ARHGEF37: variants seen among roughly 807,000 people sequenced by gnomAD.
ARHGEF37 encodes the protein Rho guanine nucleotide exchange factor 37, also known as Rho guanine nucleotide exchange factor (GEF) 37.
ARHGEF37 carries 55 observed loss-of-function variants against 71.1 expected under a neutral mutation model. The observed-to-expected ratio is 0.77, with a 90% CI of 0.62 to 0.97. The LOEUF is 0.97. Ranked by LOEUF, ARHGEF37 falls within the 50% of genes least tolerant of loss-of-function variation. ARHGEF37 has a pLI of 0.00. For synonymous variants in ARHGEF37, 327 were observed against 350.6 expected (o/e 0.93, Z 0.75); for missense variants, 765 against 836.8 (o/e 0.91, Z 1.06).
intron 3 of ARHGEF37, among the ~76,000 whole-genome samples, chr5:149,603,066 G>A (rs1283695332): frequency 1.3e-5 from 2 of 151,942 alleles, no homozygotes; most frequent in African/African-American, 4.8e-5. Context: ...CTGAGTAGCT[G>A]GGATTACAGG....
At chr5:149,607,125 A>T (rs1206916503) in intron 3 of ARHGEF37, among the ~76,000 whole-genome samples, 2 of 150,678 alleles carry the variant, frequency 1.3e-5, no homozygotes, top group Non-Finnish European at 3.0e-5. Context: ...CTGGTCTCAA[A>T]CTCCTGGCCT....
intron 1 of ARHGEF37, among the ~76,000 whole-genome samples, chr5:149,586,530 C>T (rs7706777): frequency 0.26 from 39,020 of 152,146 alleles, 5,436 homozygotes; most frequent in Admixed American, 0.41. Flanking sequence ...CCCGAAGTGC[C>T]GGGATTACAG....
At chr5:149,606,284 G>C (rs776468816) in intron 3 of ARHGEF37, among the ~76,000 whole-genome samples, 3 of 152,070 alleles carry the variant, frequency 2.0e-5, no homozygotes, top group African/African-American at 7.3e-5. Context: ...CTGCAGTTTC[G>C]GGTGGTCATG....
intron 1 of ARHGEF37, among the ~76,000 whole-genome samples, chr5:149,586,888 TACACTGGACTACA>T (rs1186210841): frequency 6.6e-6 from 1 of 152,180 alleles, no homozygotes; most frequent in African/African-American, 2.4e-5. Context: ...CTGGTCCAGA[TACACTGGACTACA>T]GCATTCCTTT....
chr5:149,576,046 G>C (rs914211115), intron 1 of ARHGEF37, among the ~76,000 whole-genome samples: 2 of 152,174 alleles, frequency 1.3e-5, no homozygotes, highest in African/African-American at 4.8e-5. Flanking sequence ...AGGAGTTCCA[G>C]ACCAGCCTGG....
At chr5:149,626,709 T>C (rs1752694830) in intron 10 of ARHGEF37, among the ~76,000 whole-genome samples, 1 of 152,196 alleles carries the variant, frequency 6.6e-6, no homozygotes, top group Non-Finnish European at 1.5e-5. Flanking sequence ...GGTGCCCACA[T>C]GAAACTCACA....
At chr5:149,563,773 C>T (rs1253519891) in intron 1 of ARHGEF37, among the ~76,000 whole-genome samples, 1 of 151,974 alleles carries the variant, frequency 6.6e-6, no homozygotes, top group East Asian at 1.9e-4. Context: ...TAGAAGATTC[C>T]TTTTGACAAG....
chr5:149,575,356 G>A (rs1003527632), intron 1 of ARHGEF37, among the ~76,000 whole-genome samples: 25 of 152,250 alleles, frequency 1.6e-4, no homozygotes, highest in African/African-American at 5.1e-4. Context: ...AGCAGACACC[G>A]TTGGCTGCCT....
chr5:149,621,645 C>T (rs1752542408), intron 8 of ARHGEF37, 88 bp from the exon 9 acceptor site: 1 of 1,257,276 alleles, frequency 8.0e-7, no homozygotes, highest in Non-Finnish European at 1.1e-6. Context: ...GACTGGAATC[C>T]AGGCCTGCAT....
intron 1 of ARHGEF37, among the ~76,000 whole-genome samples, chr5:149,596,252 T>C (rs1763542285): frequency 6.6e-6 from 1 of 152,088 alleles, no homozygotes; most frequent in Non-Finnish European, 1.5e-5. Context: ...CATTCCTAAG[T>C]GTTTTGTAGT....
chr5:149,580,918 A>G (rs1763092500), upstream of ARHGEF37, among the ~76,000 whole-genome samples: 1 of 152,188 alleles, frequency 6.6e-6, no homozygotes, highest in South Asian at 2.1e-4. Context: ...ACAGGAGCCC[A>G]ATAAGGCCAG....
intron 3 of ARHGEF37, among the ~76,000 whole-genome samples, chr5:149,601,703 G>T (rs1561796542): frequency 6.6e-6 from 1 of 152,230 alleles, no homozygotes; most frequent in Non-Finnish European, 1.5e-5. Flanking sequence ...GGTAACTTCT[G>T]GGTGTGAGGG....
intron 1 of ARHGEF37, among the ~76,000 whole-genome samples, chr5:149,555,690 C>A (rs562105725): frequency 2.7e-4 from 41 of 152,134 alleles, no homozygotes; most frequent in African/African-American, 9.9e-4. Context: ...TCATAGAGAT[C>A]TTAGTGGCAG....
intron 1 of ARHGEF37, among the ~76,000 whole-genome samples, chr5:149,583,328 G>T (rs1021716132): frequency 2.0e-5 from 3 of 152,148 alleles, no homozygotes; most frequent in Admixed American, 1.3e-4. Context: ...GTAGAGATGG[G>T]GTTTCACCGT....
intron 1 of ARHGEF37, among the ~76,000 whole-genome samples, chr5:149,568,922 T>A (rs1455389145): frequency 9.9e-6 from 1 of 100,836 alleles, no homozygotes; most frequent in African/African-American, 3.9e-5. Flanking sequence ...ACTGTTCTGA[T>A]TTTTTTTTAT....
At chr5:149,611,305 A>AT (rs1231640358) in intron 4 of ARHGEF37, among the ~76,000 whole-genome samples, 1 of 152,118 alleles carries the variant, frequency 6.6e-6, no homozygotes, top group Non-Finnish European at 1.5e-5. Context: ...AATAGCAGTG[A>AT]TGTTTTTGCA....
chr5:149,563,062 C>A (rs374590815), intron 1 of ARHGEF37, among the ~76,000 whole-genome samples: 78 of 152,186 alleles, frequency 5.1e-4, no homozygotes, highest in Non-Finnish European at 9.8e-4. Context: ...CCATCTTCAT[C>A]GTGTCTGAAT....
chr5:149,605,600 C>A (rs997166940), intron 3 of ARHGEF37, among the ~76,000 whole-genome samples: 1 of 152,202 alleles, frequency 6.6e-6, no homozygotes, highest in African/African-American at 2.4e-5. Context: ...CTGCCACCCA[C>A]AAGCTCTTTC....
intron 3 of ARHGEF37, among the ~76,000 whole-genome samples, chr5:149,608,729 A>T (rs1418565099): frequency 6.6e-6 from 1 of 152,048 alleles, no homozygotes; most frequent in Non-Finnish European, 1.5e-5. Context: ...GAGGAGTGAA[A>T]CACTTGCCTC....
Sources: allele counts gnomAD v4.1 joint callset (sites outside exome capture counted in the v4.1 genomes callset), GRCh38; gene constraint gnomAD v4.1.1; transcripts MANE v1.5; gene names NCBI Gene and HGNC (gene_info 2026-07-23, HGNC 2026-07-21).